The following TCHP variants were observed in gnomAD, a reference collection of about 807,000 sequenced individuals.
The protein encoded by TCHP is trichoplein keratin filament binding, also known as trichoplein keratin filament-binding protein.
Under a neutral mutation model 88.7 loss-of-function variants are expected in TCHP, and 81 were observed. That is an observed-to-expected ratio of 0.91 (90% confidence interval 0.76 to 1.10). TCHP has a LOEUF of 1.10. Among genes scored for constraint, TCHP ranks in the 50% least tolerant of loss-of-function variants. The pLI, the probability that TCHP is intolerant of heterozygous loss-of-function variation, is 0.00. For missense variants in TCHP, 641 were observed against 632.1 expected, an observed-to-expected ratio of 1.01 and a Z score of -0.15; for synonymous variants, 232 against 232.5, an observed-to-expected ratio of 1.00 and a Z score of 0.02.
the TCHP span, among the ~76,000 whole-genome samples, chr12:109,891,653 G>A: frequency 6.6e-6 from 1 of 151,220 alleles, no homozygotes; most frequent in Admixed American, 6.6e-5. Flanking sequence ...CACCTGCCTT[G>A]GCTTCCCAAA....
At position 109,903,127 on chromosome 12, in the gene TCHP, G is replaced by A; in HGVS notation, c.101G>A (p.Trp34Ter). The A allele has an allele frequency of 6.2e-7, 1 of 1,614,068 alleles. No individual in the cohort carries two copies. The highest frequency in any genetic ancestry group is 2.2e-5 in the East Asian group (1 of 44,886). The change falls in exon 2 of 13, where the codon TGG (tryptophan) becomes TAG (stop). Residue 34 changes from tryptophan (W) to a stop codon, truncating the protein, a stop_gained. Coordinates refer to ENST00000405876, the MANE Select transcript of TCHP (RefSeq NM_001143852.2). LOFTEE classifies it high-confidence loss of function. The surrounding 1 kb of genome is among the most constrained non-coding windows in gnomAD (Gnocchi z 4.6). Reference sequence around the variant, plus strand: ...CAGGAGGCCCGGCTTCGGCAGCAGTGGGAGCAGAACAGCCGTTACTTCAGG... The same window carrying A: ...CAGGAGGCCCGGCTTCGGCAGCAGTAGGAGCAGAACAGCCGTTACTTCAGG... ...REQEARLRQQ[W>*]EQNSRYFRMS...
rs1870081696 is a variant in TCHP at position 109,905,582 on chromosome 12, G to A, written c.456+789G>A. ...CTTGGCTTGGTGGCCTTGTTCAGTGGAGATTTGGCTGCAGGGAGATCATCC... is the reference window on the plus strand; with the variant it reads ...CTTGGCTTGGTGGCCTTGTTCAGTGAAGATTTGGCTGCAGGGAGATCATCC... On this transcript the variant is annotated intron_variant, in intron 4 of 12. Transcript: ENST00000405876. This position sits in a 1 kb window ranked among gnomAD's most constrained non-coding sequence, Gnocchi z 4.0. Among the ~76,000 whole-genome samples, 1 of 152,200 alleles carries A rather than the reference G, an allele frequency of 6.6e-6. No individual in the cohort carries two copies. Among genetic ancestry groups the A allele is most frequent in the Admixed American group, 6.5e-5 (1 of 15,276 alleles).
rs1282204045 is a variant in TCHP, at chr12:109,908,640, G to T, written c.754G>T (p.Glu252Ter). Residue 252 changes from glutamate (E) to a stop codon, truncating the protein, a stop_gained, in exon 7 of 13, where the codon GAG (glutamate) becomes TAG (stop). Transcript: ENST00000405876. LOFTEE classifies it high-confidence loss of function. ...TCTGTTGAAGCAGCGGTGGGAGCTA[G>T]AGAGGCTGGAGGAAGAGCGAAAGCA... ...ENLLKQRWELERLEEERKQME... is the reference protein window; with the variant it reads ...ENLLKQRWEL 1 of 1,602,654 alleles carries T rather than the reference G, an allele frequency of 6.2e-7. No individual in the cohort carries two copies. Among genetic ancestry groups the T allele is most frequent in the Non-Finnish European group, 8.5e-7 (1 of 1,175,980 alleles).
chr12:109,907,413 G>T, intron 5 of TCHP, 113 bp from the exon 6 acceptor site: 1 of 1,094,834 alleles, frequency 9.1e-7, no homozygotes, highest in African/African-American at 1.6e-5. Context: ...TTGTCATTTG[G>T]GATTCAGGCA....
intron 11 of TCHP, 66 bp from the exon 12 acceptor site, chr12:109,915,337 C>T: frequency 6.2e-7 from 1 of 1,611,610 alleles, no homozygotes; most frequent in Non-Finnish European, 8.5e-7. Flanking sequence ...TTACCTTCCT[C>T]ATCAGAGGCA....
At chr12:109,906,666 C>G (rs1446658804) in intron 5 of TCHP, 26 bp downstream of exon 5, 10 of 1,581,948 alleles carry the variant, frequency 6.3e-6, no homozygotes, top group Non-Finnish European at 8.6e-6. Context: ...CTGGGAATAG[C>G]CGCGTATTCT....
At position 109,904,768 on chromosome 12, in the gene TCHP, A is replaced by G; in HGVS notation, c.431A>G (p.Lys144Arg). 10 of 1,613,804 alleles carry G rather than the reference A, an allele frequency of 6.2e-6. No individual in the cohort carries two copies. The highest frequency in any genetic ancestry group is 7.6e-6 in the Non-Finnish European group (9 of 1,179,924). Residue 144 changes from lysine (K) to arginine (R), a missense_variant, in exon 4 of 13, where the codon AAA becomes AGA. Lys to Arg is a conservative substitution (Grantham distance 26). Coordinates refer to ENST00000405876, the MANE Select transcript of TCHP (RefSeq NM_001143852.2). The part of the protein sequence containing the change: ...IAEQLLYEHW[K>R]KNNPKLREME... ...GAACAACTTTTGTACGAACACTGGA[A>G]AAAGAACAACCCGAAACTTCGAGAG...
the TCHP span, among the ~76,000 whole-genome samples, chr12:109,888,857 G>C: frequency 6.6e-6 from 1 of 152,064 alleles, no homozygotes; most frequent in African/African-American, 2.4e-5. Flanking sequence ...TCCAAAATTA[G>C]TATCACTAGG....
At position 109,905,714 on chromosome 12, in the gene TCHP, A is replaced by G. The variant is rs1206745798; in HGVS notation, c.457-858A>G. On this transcript the variant is annotated intron_variant, in intron 4 of 12. Transcript: ENST00000405876. The surrounding 1 kb of genome is among the most constrained non-coding windows in gnomAD (Gnocchi z 4.0). ...ATCGCCAGGCACTAAATAATGGAAC[A>G]TCTGGTGCTTTTGTGCAGTTTGCAC... Among the ~76,000 whole-genome samples, 1 of 152,220 alleles carries G rather than the reference A, an allele frequency of 6.6e-6. No homozygotes were observed. Among genetic ancestry groups the G allele is most frequent in the Non-Finnish European group, 1.5e-5 (1 of 68,040 alleles).
rs549238259 is a variant in TCHP at position 109,916,808 on chromosome 12, A to G, written c.*185A>G. Reference sequence around the variant, plus strand: ...TGGCCAGACATTAAGGTGTCGTGAGAGTCCCTTTCATGCCTTTCTTACCCA... The same window carrying G: ...TGGCCAGACATTAAGGTGTCGTGAGGGTCCCTTTCATGCCTTTCTTACCCA... On this transcript the variant is annotated 3_prime_UTR_variant, in exon 13 of 13. Coordinates refer to ENST00000405876, the MANE Select transcript of TCHP (RefSeq NM_001143852.2). The G allele has an allele frequency of 8.2e-6, 5 of 609,776 alleles. No individual in the cohort carries two copies. The South Asian group carries it at 1.0e-4, about 13-fold the overall frequency. 37.8% of individuals were successfully genotyped at this position (609,776 alleles called of 1,614,324 possible). A position where few individuals can be genotyped will look rare whatever the true frequency, so the allele number is the denominator to read the frequency against.
At position 109,903,270 on chromosome 12, in the gene TCHP, G is replaced by A; in HGVS notation, c.188+56G>A. The A allele has an allele frequency of 2.6e-6, 4 of 1,536,322 alleles. No homozygotes were observed. The highest frequency in any genetic ancestry group is 3.6e-6 in the Non-Finnish European group (4 of 1,120,922). On this transcript the variant is annotated intron_variant, in intron 2 of 12. Transcript: ENST00000405876. The surrounding 1 kb of genome is among the most constrained non-coding windows in gnomAD (Gnocchi z 4.6). ...AAGTGGGGACCACTTGCTGGTCAGGGGATGAGGCCTTAAGGATTTAGGGAG... is the reference window on the plus strand; with the variant it reads ...AAGTGGGGACCACTTGCTGGTCAGGAGATGAGGCCTTAAGGATTTAGGGAG...
Position 109,905,410 on chromosome 12 carries a change from G to A in TCHP, c.456+617G>A, listed in dbSNP as rs1398269528. On this transcript the variant is annotated intron_variant, in intron 4 of 12. Coordinates refer to ENST00000405876, the MANE Select transcript of TCHP (RefSeq NM_001143852.2). This position sits in a 1 kb window ranked among gnomAD's most constrained non-coding sequence, Gnocchi z 4.0. ...GAGCTTGTGTGACCTTCCTCCAAAG[G>A]GGCTGGGGGCAGCATACAGGATCCC... Among the ~76,000 whole-genome samples, 2 of 152,148 alleles carry A rather than the reference G, an allele frequency of 1.3e-5. No homozygotes were observed. The highest frequency in any genetic ancestry group is 2.9e-5 in the Non-Finnish European group (2 of 68,032).
the TCHP span, among the ~76,000 whole-genome samples, chr12:109,884,219 C>T: frequency 5.3e-4 from 80 of 151,916 alleles, no homozygotes; most frequent in African/African-American, 1.8e-3. Context: ...GAAGGAGTCT[C>T]ACTCTGTCAC....
rs768788779 is a variant in TCHP at position 109,906,582 on chromosome 12, A to C, written c.467A>C (p.Asp156Ala). The C allele has an allele frequency of 1.9e-6, 3 of 1,612,962 alleles. No individual in the cohort carries two copies. In the South Asian group the frequency reaches 3.3e-5, roughly 18 times the overall value. ...CCCTTCCATCCTCAGATGGAGCTGG[A>C]CCTTCACCAGAAGCATGTCGTAAAC... ...NNPKLREMEL[D>A]LHQKHVVNSW... is the part of the protein sequence containing the mutation. The change falls in exon 5 of 13, where the codon GAC becomes GCC. Residue 156 changes from aspartate to alanine, a missense_variant. Coordinates refer to ENST00000405876, the MANE Select transcript of TCHP (RefSeq NM_001143852.2).
intron 8 of TCHP, among the ~76,000 whole-genome samples, chr12:109,910,305 G>C (rs1870414097): frequency 6.6e-6 from 1 of 152,200 alleles, no homozygotes; most frequent in Non-Finnish European, 1.5e-5. Flanking sequence ...GGGGCACAGT[G>C]GCATGGTTGG....
intron 6 of TCHP, 113 bp downstream of exon 6, chr12:109,907,812 A>G (rs1295170424): frequency 8.1e-7 from 1 of 1,239,796 alleles, no homozygotes; most frequent in African/African-American, 1.5e-5. Flanking sequence ...AGATTCTGCA[A>G]AGGGCGGCAG....
the TCHP span, among the ~76,000 whole-genome samples, chr12:109,884,973 T>C: frequency 6.6e-6 from 1 of 152,338 alleles, no homozygotes; most frequent in Admixed American, 6.5e-5. Flanking sequence ...CCTTTGTTTT[T>C]GTTTTTGTTT....
At chr12:109,911,605 C>G (rs1176043201) in intron 9 of TCHP, among the ~76,000 whole-genome samples, 2 of 124,484 alleles carry the variant, frequency 1.6e-5, no homozygotes, top group African/African-American at 6.3e-5. Context: ...GAACGAGACT[C>G]TGTCTCAAAA....
rs1338120656 is a variant in TCHP, at chr12:109,905,597, G to GGA, written c.456+807_456+808dup. ...TTGTTCAGTGGAGATTTGGCTGCAG[G>GGA]GAGATCATCCCTCACTGTTATTCAT... On this transcript the variant is annotated intron_variant, in intron 4 of 12. Coordinates refer to ENST00000405876, the MANE Select transcript of TCHP (RefSeq NM_001143852.2). The surrounding 1 kb of genome is among the most constrained non-coding windows in gnomAD (Gnocchi z 4.0). 6.6e-6 allele frequency among the ~76,000 whole-genome samples: 1 copy of GGA among 152,198 alleles called. No individual in the cohort carries two copies. Among genetic ancestry groups the GGA allele is most frequent in the Non-Finnish European group, 1.5e-5 (1 of 68,032 alleles).
Sources: allele counts gnomAD v4.1 joint callset (sites outside exome capture counted in the v4.1 genomes callset), GRCh38; gene constraint gnomAD v4.1.1; non-coding constraint Gnocchi (gnomAD v3.1); transcripts MANE v1.5; gene names NCBI Gene and HGNC (gene_info 2026-07-23, HGNC 2026-07-21).